LRP1B: variants seen among roughly 807,000 people sequenced by gnomAD.
The protein encoded by LRP1B is LDL receptor related protein 1B.
Under a neutral mutation model 556.6 loss-of-function variants are expected in LRP1B, and 217 were observed. The ratio of observed to expected loss-of-function variants is 0.39; its 90% CI spans 0.35 to 0.44. The LOEUF (loss-of-function observed/expected upper bound fraction) is 0.44. LRP1B is among the 20% of genes least tolerant of loss of function. The pLI is 1.00. For missense variants in LRP1B, 5,053 were observed against 5,620.8 expected, an observed-to-expected ratio of 0.90 and a Z score of 3.23; for synonymous variants, 2,047 against 1,865.8, an observed-to-expected ratio of 1.10 and a Z score of -2.50.
At chr2:140,265,287 TA>T (rs1036597545) in intron 86 of LRP1B, among the ~76,000 whole-genome samples, 81 of 140,946 alleles carry the variant, frequency 5.7e-4, no homozygotes, top group African/African-American at 2.0e-3. Flanking sequence ...TAGATTTTTT[TA>T]AAAAAACATT....
intron 77 of LRP1B, among the ~76,000 whole-genome samples, chr2:140,348,177 A>G (rs1681780469): frequency 6.6e-6 from 1 of 152,104 alleles, no homozygotes; most frequent in Admixed American, 6.6e-5. Flanking sequence ...GCTGAGACCC[A>G]GAGATGTGAT....
intron 66 of LRP1B, among the ~76,000 whole-genome samples, chr2:140,412,454 T>C (rs917533037): frequency 9.9e-5 from 15 of 152,074 alleles, no homozygotes; most frequent in African/African-American, 3.4e-4. Context: ...GGTAAATATA[T>C]CAAATTTAAT....
At chr2:141,408,914 T>C (rs750441146) in intron 3 of LRP1B, among the ~76,000 whole-genome samples, 4 of 152,208 alleles carry the variant, frequency 2.6e-5, no homozygotes, top group Non-Finnish European at 5.9e-5. Flanking sequence ...ATCACAAACA[T>C]TGACTTTCTC....
At chr2:140,946,980 C>T (rs1695567159) in intron 20 of LRP1B, among the ~76,000 whole-genome samples, 1 of 152,050 alleles carries the variant, frequency 6.6e-6, no homozygotes, top group Admixed American at 6.6e-5. Context: ...CTTTGGTACA[C>T]GTGAACATAA....
chr2:141,138,132 T>C (rs78089923), intron 7 of LRP1B, among the ~76,000 whole-genome samples: 12,303 of 151,962 alleles, frequency 0.081, 555 homozygotes, highest in South Asian at 0.18. Context: ...CAGGGTTGTT[T>C]TGTATTAGAA....
chr2:140,734,429 T>C (rs1331210157), intron 35 of LRP1B, among the ~76,000 whole-genome samples: 1 of 152,176 alleles, frequency 6.6e-6, no homozygotes, highest in Non-Finnish European at 1.5e-5. Context: ...GAGGGATGAA[T>C]TGATTTGTGT....
rs187852041 is a variant in LRP1B at position 140,509,777 on chromosome 2, C to T, written c.8398+151G>A. The T allele has an allele frequency of 5.1e-4, 508 of 1,004,350 alleles. 6 individuals carry two copies. In the East Asian group the frequency reaches 0.01, roughly 21 times the overall value. The allele number at this position is 1,004,350 out of a possible 1,614,324, so 62.2% of individuals were successfully genotyped here. A position where few individuals can be genotyped will look rare whatever the true frequency, so the allele number is the denominator to read the frequency against. On this transcript the variant is annotated intron_variant, in intron 52 of 90. Coordinates refer to ENST00000389484, the MANE Select transcript of LRP1B (RefSeq NM_018557.3). ...AGAGGTTGCAGAACTACTGTGATACCGTCATCCCACCTGATTAAGTCCAAT... is the reference window on the plus strand; with the variant it reads ...AGAGGTTGCAGAACTACTGTGATACTGTCATCCCACCTGATTAAGTCCAAT...
At chr2:141,340,592 G>T (rs1688021758) in intron 3 of LRP1B, among the ~76,000 whole-genome samples, 1 of 152,260 alleles carries the variant, frequency 6.6e-6, no homozygotes, top group African/African-American at 2.4e-5. Context: ...AAGGTTTCAT[G>T]TAGTACTTCA....
At chr2:140,652,666 A>T (rs553137356) in intron 41 of LRP1B, among the ~76,000 whole-genome samples, 13 of 152,194 alleles carry the variant, frequency 8.5e-5, no homozygotes, top group Non-Finnish European at 1.9e-4. Context: ...ATTTAGAATC[A>T]TGAAAGTTTC....
chr2:141,711,812 A>T (rs771132504), intron 2 of LRP1B, among the ~76,000 whole-genome samples: 19 of 152,230 alleles, frequency 1.2e-4, no homozygotes, highest in Non-Finnish European at 2.8e-4. Flanking sequence ...CAGTTACAAC[A>T]CACTCCATCC....
chr2:141,220,158 G>C (rs1018106495), intron 6 of LRP1B, among the ~76,000 whole-genome samples: 1 of 152,052 alleles, frequency 6.6e-6, no homozygotes, highest in African/African-American at 2.4e-5. Flanking sequence ...CTAAACCAAC[G>C]CAAGAAGATA....
intron 87 of LRP1B, among the ~76,000 whole-genome samples, chr2:140,241,621 G>A (rs1031264523): frequency 6.6e-6 from 1 of 150,676 alleles, no homozygotes; most frequent in Non-Finnish European, 1.5e-5. Flanking sequence ...TAAGAGCCTA[G>A]ACTTCTGATA....
chr2:141,512,189 A>G (rs1211211530), intron 2 of LRP1B, among the ~76,000 whole-genome samples: 1 of 152,126 alleles, frequency 6.6e-6, no homozygotes, highest in Non-Finnish European at 1.5e-5. Context: ...AAAATTTATC[A>G]TGTTTATTAA....
At chr2:140,443,720 C>A (rs148808846) in intron 65 of LRP1B, among the ~76,000 whole-genome samples, 201 of 152,152 alleles carry the variant, frequency 1.3e-3, no homozygotes, top group Admixed American at 8.8e-3. Context: ...AACAGTTTTG[C>A]CTTCCATTTA....
chr2:140,918,904 G>A (rs1694658701), intron 21 of LRP1B, among the ~76,000 whole-genome samples: 1 of 151,924 alleles, frequency 6.6e-6, no homozygotes, highest in Admixed American at 6.6e-5. Flanking sequence ...CCCAGTTTAT[G>A]ATAATTTGTT....
chr2:141,674,426 T>A (rs1690797575), intron 2 of LRP1B, among the ~76,000 whole-genome samples: 1 of 152,060 alleles, frequency 6.6e-6, no homozygotes, highest in South Asian at 2.1e-4. Flanking sequence ...GACCAATTTA[T>A]TTGCCACAAT....
At chr2:141,623,965 A>C (rs1208592605) in intron 2 of LRP1B, among the ~76,000 whole-genome samples, 1 of 141,910 alleles carries the variant, frequency 7.0e-6, no homozygotes, top group Non-Finnish European at 1.5e-5. Context: ...CAGTGAGCCG[A>C]GATCGCACCA....
At chr2:142,092,496 A>C (rs2104952276) in intron 1 of LRP1B, among the ~76,000 whole-genome samples, 1 of 152,234 alleles carries the variant, frequency 6.6e-6, no homozygotes, top group Admixed American at 6.5e-5. Flanking sequence ...TGCTTTTTAA[A>C]ATTAATAGAT....
chr2:140,673,417 ATTC>A lies in LRP1B; in HGVS notation c.6799+26830_6799+26832del, dbSNP rs555802329. Reference sequence around the variant, plus strand: ...CATTTCTCTTTGAGCCCTCATCAATATTCTTCATGTCCACATTTCTAATGACAG... The same window carrying A: ...CATTTCTCTTTGAGCCCTCATCAATATTCATGTCCACATTTCTAATGACAG... On this transcript the variant is annotated intron_variant, in intron 41 of 90. Coordinates refer to ENST00000389484, the MANE Select transcript of LRP1B (RefSeq NM_018557.3). 5.5e-3 allele frequency among the ~76,000 whole-genome samples: 832 copies of A among 152,240 alleles called. 2 individuals carry two copies. The highest frequency in any genetic ancestry group is 0.012 in the Admixed American group (190 of 15,282).
Sources: gnomAD v4.1 joint callset for allele counts (sites outside exome capture counted in the v4.1 genomes callset) on GRCh38, gnomAD v4.1.1 for gene constraint, MANE v1.5 for transcripts, NCBI Gene and HGNC (gene_info 2026-07-23, HGNC 2026-07-21) for gene names.